The following BSN variants were observed in gnomAD, a reference collection of about 807,000 sequenced individuals.
The protein encoded by BSN is bassoon presynaptic cytomatrix protein, also known as protein bassoon.
In BSN, 57 loss-of-function variants were observed where a neutral mutation model predicts 264.8. That is an observed-to-expected ratio of 0.22 (90% confidence interval 0.17 to 0.27). The LOEUF (loss-of-function observed/expected upper bound fraction) is 0.27. BSN is among the 10% of genes least tolerant of loss of function. BSN has a pLI of 1.00. For missense variants in BSN, 4,615 were observed against 5,232.5 expected, an observed-to-expected ratio of 0.88 and a Z score of 3.64; for synonymous variants, 2,059 against 2,137.3, an observed-to-expected ratio of 0.96 and a Z score of 1.01.
chr3:49,657,130 C>T lies in BSN; in HGVS notation c.7574C>T (p.Pro2525Leu). 6.2e-7 allele frequency: 1 copy of T among 1,613,054 alleles called. No homozygotes were observed. Residue 2525 changes from proline to leucine, a missense_variant, in exon 5 of 12, where the codon CCT becomes CTT. Pro to Leu is a moderately conservative substitution (Grantham distance 98, BLOSUM62 -3). This residue lies in a region of BSN where 3,415 missense variants were observed against 3,866.4 expected (regional missense o/e 0.88). Coordinates refer to ENST00000296452, the MANE Select transcript of BSN (RefSeq NM_003458.4). ...GPEGLGQPREPVLHRGLPSSA... is the reference protein window; with the variant it reads ...GPEGLGQPRELVLHRGLPSSA... ...GAAGGACTTGGGCAGCCTCGTGAGC[C>T]TGTGCTGCACCGGGGTCTCCCCAGC...
intron 1 of BSN, among the ~76,000 whole-genome samples, chr3:49,574,495 G>A (rs909174697): frequency 3.9e-5 from 6 of 151,980 alleles, no homozygotes; most frequent in Admixed American, 6.6e-5. Flanking sequence ...GTGCAATGGC[G>A]TGGTCTCGGC....
chr3:49,579,434 G>T (rs1386079418), intron 1 of BSN, among the ~76,000 whole-genome samples: 2 of 149,118 alleles, frequency 1.3e-5, no homozygotes, highest in African/African-American at 5.0e-5. Flanking sequence ...ACGGAGTCTC[G>T]CACTGTTGCC....
At position 49,663,348 on chromosome 3, in the gene BSN, C is replaced by T. The variant is rs367558667; in HGVS notation, c.11190C>T (p.Ser3730=). The change falls in exon 7 of 12, where the codon TCC becomes TCT. Residue 3730 remains serine, a synonymous_variant. Coordinates refer to ENST00000296452, the MANE Select transcript of BSN (RefSeq NM_003458.4). ...AGAAGGGCTCCCGGCAAGCCCACTC[C>T]GGGCCCGCTGCACTGCAGTCAAAGG... is the stretch of plus-strand genomic sequence containing the variant. ...DSKKGSRQAH[S]GPAALQSKAE... The T allele has an allele frequency of 2.9e-5, 47 of 1,613,498 alleles. No individual in the cohort carries two copies. Among genetic ancestry groups the T allele is most frequent in the Middle Eastern group, 3.3e-4 (2 of 6,084 alleles).
rs372101482 is a variant in BSN at position 49,620,617 on chromosome 3, G to A, written c.225-4358G>A. ...CTTATGGGCCATTGTAAGACTTTTG[G>A]CTTTTCCTTTGGGAGGGAAAGGAAG... On this transcript the variant is annotated intron_variant, in intron 1 of 11. Transcript: ENST00000296452. Among the ~76,000 whole-genome samples, 8 of 152,254 alleles carry A rather than the reference G, an allele frequency of 5.3e-5. No individual in the cohort carries two copies. The East Asian group carries it at 9.7e-4, about 18-fold the overall frequency.
intron 1 of BSN, among the ~76,000 whole-genome samples, chr3:49,594,015 G>T (rs2052001843): frequency 6.6e-6 from 1 of 151,854 alleles, no homozygotes; most frequent in Admixed American, 6.6e-5. Context: ...TGTTAGCCAG[G>T]ATGGTCTCGA....
intron 1 of BSN, among the ~76,000 whole-genome samples, chr3:49,617,385 C>T (rs961605292): frequency 1.3e-5 from 2 of 151,024 alleles, no homozygotes; most frequent in Non-Finnish European, 2.9e-5. Context: ...GCCACTCCTT[C>T]ATCTCTCTGC....
At chr3:49,583,116 G>A (rs372911283) in intron 1 of BSN, among the ~76,000 whole-genome samples, 18 of 152,044 alleles carry the variant, frequency 1.2e-4, no homozygotes, top group East Asian at 9.7e-4. Context: ...TTACAGGTGC[G>A]TGCAACTACT....
chr3:49,566,049 G>A (rs775723137), intron 1 of BSN, among the ~76,000 whole-genome samples: 6 of 151,894 alleles, frequency 4.0e-5, no homozygotes, highest in African/African-American at 1.2e-4. Context: ...GGTCTTGAAC[G>A]CCTTACCTCA....
chr3:49,561,849 C>G (rs1343861758), intron 1 of BSN, among the ~76,000 whole-genome samples: 4 of 151,988 alleles, frequency 2.6e-5, no homozygotes, highest in Non-Finnish European at 5.9e-5. Context: ...ACTCTGTCGC[C>G]CAGGCTGGAG....
chr3:49,591,982 AATG>A (rs1321192229), intron 1 of BSN, among the ~76,000 whole-genome samples: 1 of 152,240 alleles, frequency 6.6e-6, no homozygotes, highest in African/African-American at 2.4e-5. Context: ...AATATTATAA[AATG>A]ATGAAATATC....
At position 49,657,831 on chromosome 3, in the gene BSN, GAAA is replaced by G. The variant is rs766886035; in HGVS notation, c.8280_8282del (p.Lys2762del). On this transcript the variant is annotated inframe_deletion, in exon 5 of 12. Coordinates refer to ENST00000296452, the MANE Select transcript of BSN (RefSeq NM_003458.4). ...CACCCCAGGGCCTCTGGGCAGATTT[GAAA>G]AAAAGAAGCCAGATCCCCTGGAGAT... is the stretch of plus-strand genomic sequence containing the variant. 8.7e-5 allele frequency: 140 copies of G among 1,607,428 alleles called. No homozygotes were observed. Among genetic ancestry groups the G allele is most frequent in the Non-Finnish European group, 1.1e-4 (135 of 1,177,380 alleles).
chr3:49,654,761 C>T lies in BSN; in HGVS notation c.5205C>T (p.Thr1735=), dbSNP rs377114624. Residue 1735 remains threonine, a synonymous_variant, in exon 5 of 12, where the codon ACC becomes ACT. Coordinates refer to ENST00000296452, the MANE Select transcript of BSN (RefSeq NM_003458.4). The surrounding 1 kb of genome is among the most constrained non-coding windows in gnomAD (Gnocchi z 4.1). ...FLATATTVSI[T]MASSVFMAQQ... is the part of the protein sequence containing the mutation. ...CTACTGCCACCACCGTGAGCATCAC[C>T]ATGGCCTCGTCTGTGTTCATGGCTC... The T allele has an allele frequency of 2.5e-6, 4 of 1,613,612 alleles. No homozygotes were observed. The highest frequency in any genetic ancestry group is 1.3e-5 in the African/African-American group (1 of 74,942).
At chr3:49,566,074 C>T (rs1436255199) in intron 1 of BSN, among the ~76,000 whole-genome samples, 1 of 152,238 alleles carries the variant, frequency 6.6e-6, no homozygotes, top group African/African-American at 2.4e-5. Context: ...ATCTGCCTAC[C>T]TCGGCCTCCC....
chr3:49,623,628 C>T (rs1483018881), intron 1 of BSN, among the ~76,000 whole-genome samples: 1 of 152,210 alleles, frequency 6.6e-6, no homozygotes, highest in African/African-American at 2.4e-5. Context: ...CAGCCCCACC[C>T]AGCTTCACAC....
chr3:49,635,668 T>C (rs1310997741), intron 2 of BSN, among the ~76,000 whole-genome samples: 2 of 152,152 alleles, frequency 1.3e-5, no homozygotes, highest in African/African-American at 2.4e-5. Context: ...CATCTTTTTG[T>C]TGAATGTCAA....
intron 1 of BSN, among the ~76,000 whole-genome samples, chr3:49,610,324 T>C (rs1287642679): frequency 6.6e-6 from 1 of 152,176 alleles, no homozygotes; most frequent in Non-Finnish European, 1.5e-5. Flanking sequence ...GAGGGTTTCA[T>C]TCTTATTTTA....
At chr3:49,603,543 G>A (rs1208939266) in intron 1 of BSN, among the ~76,000 whole-genome samples, 1 of 152,174 alleles carries the variant, frequency 6.6e-6, no homozygotes, top group Non-Finnish European at 1.5e-5. Context: ...GGAGTGCTGA[G>A]TAGACCCTAT....
intron 1 of BSN, among the ~76,000 whole-genome samples, chr3:49,605,374 AATATATAAATATATATTTT>A (rs1400428696): frequency 4.4e-5 from 3 of 68,726 alleles, no homozygotes; most frequent in African/African-American, 6.0e-5. Flanking sequence ...ATATATATTT[AATATATAAATATATATTTT>A]ATATATTTAT....
At chr3:49,645,514 A>G (rs994564399) in intron 3 of BSN, among the ~76,000 whole-genome samples, 3 of 151,918 alleles carry the variant, frequency 2.0e-5, no homozygotes, top group African/African-American at 7.3e-5. Flanking sequence ...CCTCTCTCCC[A>G]CCCATGCTCA....
Sources: allele counts gnomAD v4.1 joint callset (sites outside exome capture counted in the v4.1 genomes callset), GRCh38; gene constraint gnomAD v4.1.1; regional missense constraint gnomAD v4.1.1; non-coding constraint Gnocchi (gnomAD v3.1); transcripts MANE v1.5; gene names NCBI Gene and HGNC (gene_info 2026-07-23, HGNC 2026-07-21).